Variants in PDE2A observed in about 807,000 individuals in gnomAD.
PDE2A encodes cGMP-dependent 3',5'-cyclic phosphodiesterase.
In PDE2A, 53 loss-of-function variants were observed where a neutral mutation model predicts 133.6. The observed-to-expected ratio is 0.40, with a 90% confidence interval of 0.32 to 0.50. The LOEUF (loss-of-function observed/expected upper bound fraction) is 0.50, where lower values mean the gene tolerates loss of function less well. PDE2A is among the 20% of genes least tolerant of loss of function. PDE2A has a pLI of 0.73. For synonymous variants in PDE2A, 491 were observed against 490.2 expected, an observed-to-expected ratio of 1.00 and a Z score of -0.02; for missense variants, 796 against 1,232.4, an observed-to-expected ratio of 0.65 and a Z score of 5.30.
At chr11:72,641,437 A>G (rs917677026) in intron 2 of PDE2A, among the ~76,000 whole-genome samples, 23 of 152,172 alleles carry the variant, frequency 1.5e-4, no homozygotes, top group Non-Finnish European at 2.9e-4. Flanking sequence ...GCAGAAAGAG[A>G]CCCCAAAACG....
chr11:72,641,377 G>GC (rs1858945119), intron 2 of PDE2A, among the ~76,000 whole-genome samples: 1 of 152,168 alleles, frequency 6.6e-6, no homozygotes, highest in Admixed American at 6.5e-5. Context: ...CTCTGAGCCT[G>GC]CCCCCTCCTC....
intron 2 of PDE2A, among the ~76,000 whole-genome samples, chr11:72,613,423 C>A (rs1857308527): frequency 6.6e-6 from 1 of 151,810 alleles, no homozygotes; most frequent in African/African-American, 2.4e-5. Context: ...CCTTCTAGAT[C>A]CCCCAGGACC....
At chr11:72,580,371 G>T (rs1855666219) in intron 25 of PDE2A, among the ~76,000 whole-genome samples, 1 of 152,124 alleles carries the variant, frequency 6.6e-6, no homozygotes, top group Non-Finnish European at 1.5e-5. Context: ...AGGGAAACAC[G>T]CTGAACACAA....
In PDE2A at chr11:72,589,997, G is replaced by A. The variant is rs2135304205; in HGVS notation, c.757-16C>T. On this transcript the variant is annotated splice_polypyrimidine_tract_variant and intron_variant, in intron 9 of 30. Transcript: ENST00000334456. ...CCTGCTGCAGCTGAGAGAGGGACAG[G>A]CAGGGCGAGGGGGTGACCGCGGATC... 1.2e-6 allele frequency: 2 copies of A among 1,605,434 alleles called. No individual in the cohort carries two copies. The highest frequency in any genetic ancestry group is 4.5e-5 in the East Asian group (2 of 44,654).
chr11:72,655,347 A>AGACAGCCTGGGGACCATGAGCTTGG (rs57956369), intron 1 of PDE2A, among the ~76,000 whole-genome samples: 1 of 151,768 alleles, frequency 6.6e-6, no homozygotes, highest in Non-Finnish European at 1.5e-5. Flanking sequence ...AGCCAGGGTG[A>AGACAGCCTGGGGACCATGAGCTTGG]GGCAGCCTGG....
rs577766575 is a variant in PDE2A, at chr11:72,601,063, C to T, written c.324-3444G>A. Among the ~76,000 whole-genome samples the T allele has an allele frequency of 1.7e-3, 253 of 146,478 alleles. 1 individual carries two copies. Among genetic ancestry groups the T allele is most frequent in the Admixed American group, 5.2e-3 (77 of 14,798 alleles). ...AGCCCCCCTCCAACACCCACTAGGT[C>T]CCAGGCATCAGTAAGCAGCCAAGCC... On this transcript the variant is annotated intron_variant, in intron 4 of 30. Coordinates refer to ENST00000334456, the MANE Select transcript of PDE2A (RefSeq NM_002599.5).
intron 1 of PDE2A, among the ~76,000 whole-genome samples, chr11:72,663,006 C>T (rs955563087): frequency 5.9e-5 from 9 of 152,158 alleles, no homozygotes; most frequent in Admixed American, 2.6e-4. Context: ...GGATTTTTGC[C>T]TGGAATACCC....
chr11:72,641,593 C>G (rs1422945775), intron 2 of PDE2A, among the ~76,000 whole-genome samples: 2 of 152,124 alleles, frequency 1.3e-5, no homozygotes, highest in African/African-American at 4.8e-5. Context: ...GACCACTGTA[C>G]CTGGAGAGGA....
At chr11:72,664,364 A>ATTTT (rs34217943) in intron 1 of PDE2A, among the ~76,000 whole-genome samples, 7 of 70,106 alleles carry the variant, frequency 1.0e-4, no homozygotes, top group African/African-American at 3.6e-4. Context: ...CCCTTGAAGG[A>ATTTT]TTTTTTTTTT....
At chr11:72,645,447 C>A (rs1221116329) in intron 1 of PDE2A, among the ~76,000 whole-genome samples, 1 of 152,196 alleles carries the variant, frequency 6.6e-6, no homozygotes, top group Admixed American at 6.5e-5. Flanking sequence ...CATTTAAAGG[C>A]CTTGCCGAGC....
At position 72,588,823 on chromosome 11, in the gene PDE2A, A is replaced by C; in HGVS notation, c.1031T>G (p.Val344Gly). The change falls in exon 13 of 31, where the codon GTG becomes GGG. Residue 344 changes from valine to glycine, a missense_variant. This residue lies in a region of PDE2A where 417 missense variants were observed against 475.3 expected (regional missense o/e 0.88). Transcript: ENST00000334456. ...CTTGTTGAAGGCGCAGGCCAAGGCC[A>C]CCACCTGGTCAGTGGCCCGGCTGAT... ...PVISRATDQVVALACAFNKLE... is the reference protein window; with the variant it reads ...PVISRATDQVGALACAFNKLE... 6.2e-7 allele frequency: 1 copy of C among 1,610,734 alleles called. No individual in the cohort carries two copies. The highest frequency in any genetic ancestry group is 8.5e-7 in the Non-Finnish European group (1 of 1,177,500).
chr11:72,584,555 G>A lies in PDE2A; in HGVS notation c.1533C>T (p.Asn511=), dbSNP rs753631786. ...NILCFPIKNE[N]QEVIGVAELV... is the part of the protein sequence containing the mutation. ...CGCCCGGGCCGCCACGCGCACCCTGGTTCTCGTTCTTGATGGGGAAGCAGA... is the reference window on the plus strand; with the variant it reads ...CGCCCGGGCCGCCACGCGCACCCTGATTCTCGTTCTTGATGGGGAAGCAGA... The change falls in exon 18 of 31, where the codon AAC becomes AAT. Residue 511 remains asparagine (N), a synonymous_variant. Transcript: ENST00000334456. The A allele has an allele frequency of 6.2e-6, 10 of 1,608,994 alleles. No homozygotes were observed. Among genetic ancestry groups the A allele is most frequent in the African/African-American group, 2.7e-5 (2 of 74,902 alleles).
chr11:72,608,808 T>A (rs955564308), intron 2 of PDE2A, 57 bp from the exon 3 acceptor site: 2 of 964,664 alleles, frequency 2.1e-6, no homozygotes, highest in Non-Finnish European at 1.6e-6. Context: ...GGCAGCCCCA[T>A]CTGCCCAAAG....
At chr11:72,669,010 C>G (rs748472889) in intron 1 of PDE2A, 1 of 992,516 alleles carries the variant, frequency 1.0e-6, no homozygotes, top group African/African-American at 1.7e-5. Flanking sequence ...AGTAGCTAAC[C>G]TTTGTGAGCA....
intron 14 of PDE2A, 22 bp from the exon 15 acceptor site, chr11:72,585,615 T>A: frequency 6.2e-7 from 1 of 1,612,390 alleles, no homozygotes; most frequent in Non-Finnish European, 8.5e-7. Context: ...GAAATGGAGA[T>A]CATAGGGGGG....
At position 72,584,306 on chromosome 11, in the gene PDE2A, G is replaced by C; in HGVS notation, c.1545C>G (p.Ile515Met). 1 of 1,603,910 alleles carries C rather than the reference G, an allele frequency of 6.2e-7. No homozygotes were observed. The highest frequency in any genetic ancestry group is 8.5e-7 in the Non-Finnish European group (1 of 1,170,818). ...TCTTGTTCACCAGCTCGGCCACACC[G>C]ATGACCTCTGGGGAAGGGAGAGGGG... ...FPIKNENQEVIGVAELVNKIN... is the reference protein window; with the variant it reads ...FPIKNENQEVMGVAELVNKIN... The change falls in exon 19 of 31, where the codon ATC (isoleucine) becomes ATG (methionine). Residue 515 changes from isoleucine to methionine, a missense_variant. Around this residue, in one of 7 missense-constraint regions of PDE2A, gnomAD observed 218 missense variants for 465.9 expected, o/e 0.47. Transcript: ENST00000334456.
At chr11:72,645,235 G>A (rs995387239) in intron 1 of PDE2A, among the ~76,000 whole-genome samples, 7 of 152,164 alleles carry the variant, frequency 4.6e-5, no homozygotes, top group African/African-American at 1.7e-4. Context: ...GTGGGATTCT[G>A]AGCAGGCCAC....
chr11:72,638,346 A>T (rs341050), intron 2 of PDE2A, among the ~76,000 whole-genome samples: 2 of 151,972 alleles, frequency 1.3e-5, no homozygotes, highest in Non-Finnish European at 2.9e-5. Context: ...TGGCAGTTCC[A>T]GTCACTTGAT....
intron 3 of PDE2A, among the ~76,000 whole-genome samples, chr11:72,607,550 G>A (rs1301753886): frequency 6.6e-6 from 1 of 152,150 alleles, no homozygotes; most frequent in East Asian, 1.9e-4. Flanking sequence ...CTCCTCCTGG[G>A]CTCTGAACTT....
Sources: gnomAD v4.1 joint callset for allele counts (sites outside exome capture counted in the v4.1 genomes callset) on GRCh38, gnomAD v4.1.1 for gene constraint, gnomAD v4.1.1 regional missense constraint, MANE v1.5 for transcripts, NCBI Gene and HGNC (gene_info 2026-07-23, HGNC 2026-07-21) for gene names.